SYK: variants seen among roughly 807,000 people sequenced by gnomAD.
The protein encoded by SYK is spleen associated tyrosine kinase.
SYK carries 16 observed loss-of-function variants against 77.8 expected under a neutral mutation model. The observed-to-expected ratio is 0.21, with a 90% CI of 0.14 to 0.31. The LOEUF (loss-of-function observed/expected upper bound fraction) is 0.31. Ranked by LOEUF, SYK falls within the 10% of genes least tolerant of loss-of-function variation. SYK has a pLI of 1.00. For missense variants in SYK, 529 were observed against 814.4 expected, an observed-to-expected ratio of 0.65 and a Z score of 4.26; for synonymous variants, 312 against 308.7, an observed-to-expected ratio of 1.01 and a Z score of -0.11.
At chr9:90,812,164 A>G (rs1825107110) in intron 1 of SYK, among the ~76,000 whole-genome samples, 1 of 152,176 alleles carries the variant, frequency 6.6e-6, no homozygotes, top group Non-Finnish European at 1.5e-5. Flanking sequence ...AAAAGGTGAA[A>G]TTAACATTTT....
intron 1 of SYK, among the ~76,000 whole-genome samples, chr9:90,803,384 G>T (rs1280554431): frequency 6.6e-6 from 1 of 151,584 alleles, no homozygotes; most frequent in Non-Finnish European, 1.5e-5. Context: ...GGGATTGTGG[G>T]AAGATTTTTT....
At chr9:90,814,200 C>G (rs1825205430) in intron 1 of SYK, among the ~76,000 whole-genome samples, 2 of 152,056 alleles carry the variant, frequency 1.3e-5, no homozygotes, top group African/African-American at 4.8e-5. Flanking sequence ...TCAAGTTTGG[C>G]CCAACTAGAA....
chr9:90,822,973 G>A (rs1304746249), intron 1 of SYK, among the ~76,000 whole-genome samples: 1 of 152,204 alleles, frequency 6.6e-6, no homozygotes, highest in African/African-American at 2.4e-5. Context: ...GGCATGGGAG[G>A]GAAGAGTGAT....
chr9:90,829,244 G>C (rs769281232), intron 1 of SYK, among the ~76,000 whole-genome samples: 1 of 151,450 alleles, frequency 6.6e-6, no homozygotes, highest in Non-Finnish European at 1.5e-5. Flanking sequence ...AGTGGAGATC[G>C]TGCCATTGCA....
chr9:90,855,051 G>A (rs565622646), intron 3 of SYK, among the ~76,000 whole-genome samples: 4 of 115,352 alleles, frequency 3.5e-5, no homozygotes, highest in Admixed American at 1.8e-4. Flanking sequence ...TGAGAACCGC[G>A]GCTGCATATC....
At chr9:90,819,318 C>A (rs1056953445) in intron 1 of SYK, among the ~76,000 whole-genome samples, 4 of 152,190 alleles carry the variant, frequency 2.6e-5, no homozygotes, top group Non-Finnish European at 4.4e-5. Context: ...TATCTGTAAT[C>A]CCCAAATCAA....
intron 1 of SYK, among the ~76,000 whole-genome samples, chr9:90,828,093 A>G (rs982399332): frequency 1.3e-5 from 2 of 152,172 alleles, no homozygotes; most frequent in African/African-American, 4.8e-5. Flanking sequence ...CAGGATCCCC[A>G]TAAAGATTAT....
At chr9:90,869,698 C>T (rs10993735) in intron 7 of SYK, among the ~76,000 whole-genome samples, 11,013 of 152,224 alleles carry the variant, frequency 0.072, 433 homozygotes, top group East Asian at 0.12. Flanking sequence ...CTACCTATAG[C>T]ATCTAGATAG....
chr9:90,820,729 G>C (rs1825482277), intron 1 of SYK, among the ~76,000 whole-genome samples: 1 of 152,128 alleles, frequency 6.6e-6, no homozygotes, highest in Non-Finnish European at 1.5e-5. Context: ...TCTTCCCCAT[G>C]GTCTTGGGGA....
intron 3 of SYK, 97 bp downstream of exon 3, chr9:90,845,691 G>T: frequency 7.0e-7 from 1 of 1,432,068 alleles, no homozygotes. Context: ...ACATGACCCT[G>T]GGAAGAGGCC....
intron 1 of SYK, among the ~76,000 whole-genome samples, chr9:90,807,743 G>A (rs943884923): frequency 2.0e-5 from 3 of 152,128 alleles, no homozygotes; most frequent in South Asian, 2.1e-4. Flanking sequence ...ACTGATACAC[G>A]AGTACATATC....
chr9:90,844,150 C>G lies in SYK; in HGVS notation c.252C>G (p.Ser84Arg), dbSNP rs536147934. ...TCGCCGGTGGCAGGACCCATGCCAG[C>G]CCCGCCGACCTCTGCCACTACCACT... ...YAIAGGRTHA[S>R]PADLCHYHSQ... The change falls in exon 2 of 14, where the codon AGC becomes AGG. Residue 84 changes from serine (S) to arginine (R), a missense_variant. Physicochemically the swap from Ser to Arg is moderately radical, Grantham distance 110. Transcript: ENST00000375754. The G allele has an allele frequency of 6.2e-7, 1 of 1,614,180 alleles. No individual in the cohort carries two copies. Among genetic ancestry groups the G allele is most frequent in the African/African-American group, 1.3e-5 (1 of 75,072 alleles).
intron 1 of SYK, among the ~76,000 whole-genome samples, chr9:90,819,929 G>A (rs290251): frequency 0.15 from 22,428 of 152,144 alleles, 1,983 homozygotes; most frequent in East Asian, 0.44. Context: ...ATACAATGGG[G>A]GTACAGGTAT....
At position 90,884,478 on chromosome 9, in the gene SYK, T is replaced by TAC. The variant is rs149544344; in HGVS notation, c.1582-3263_1582-3262dup. The stretch of plus-strand genomic sequence containing the variant: ...ATACACATATGTGTGTACATATACA[T>TAC]ACACACACATACACATATGTGTACA... On this transcript the variant is annotated intron_variant, in intron 11 of 13. Coordinates refer to ENST00000375754, the MANE Select transcript of SYK (RefSeq NM_003177.7). Among the ~76,000 whole-genome samples the TAC allele has an allele frequency of 3.1e-4, 4 of 12,974 alleles. 2 individuals carry two copies. The African/African-American group carries it at 3.4e-3, about 11-fold the overall frequency. The allele number at this position is 12,974 out of a possible 152,430, so 8.5% of individuals were successfully genotyped here.
At chr9:90,823,657 C>G (rs1217709698) in intron 1 of SYK, among the ~76,000 whole-genome samples, 3 of 151,922 alleles carry the variant, frequency 2.0e-5, no homozygotes, top group Non-Finnish European at 4.4e-5. Flanking sequence ...CCTATGTTTC[C>G]AAGAAGAAGT....
intron 1 of SYK, among the ~76,000 whole-genome samples, chr9:90,826,391 C>T (rs943553384): frequency 6.6e-6 from 1 of 152,286 alleles, no homozygotes; most frequent in African/African-American, 2.4e-5. Context: ...TCATCACCTT[C>T]ATCATCATGG....
At chr9:90,843,778 GA>G in intron 1 of SYK, 79 bp from the exon 2 acceptor site, 2 of 1,145,280 alleles carry the variant, frequency 1.7e-6, no homozygotes, top group Non-Finnish European at 2.3e-6. Flanking sequence ...TCTCCACTTT[GA>G]AAGGGTTTGA....
chr9:90,828,700 G>T (rs556742396), intron 1 of SYK, among the ~76,000 whole-genome samples: 1 of 152,156 alleles, frequency 6.6e-6, no homozygotes, highest in Non-Finnish European at 1.5e-5. Flanking sequence ...TGTGCGTTGC[G>T]TGTGCGTCCC....
In SYK at chr9:90,807,899, A is replaced by G. The variant is rs192802499; in HGVS notation, c.-42+6006A>G. On this transcript the variant is annotated intron_variant, in intron 1 of 13. Transcript: ENST00000375754. ...TTTCGTCCTGTGCATTCATGTGTGC[A>G]TGTGTGCACGTCTTCAGAAGATATA... 1.1e-4 allele frequency among the ~76,000 whole-genome samples: 17 copies of G among 152,284 alleles called. No individual in the cohort carries two copies. The East Asian group carries it at 3.3e-3, about 29-fold the overall frequency.
Sources: allele counts gnomAD v4.1 joint callset (sites outside exome capture counted in the v4.1 genomes callset), GRCh38; gene constraint gnomAD v4.1.1; transcripts MANE v1.5; gene names NCBI Gene and HGNC (gene_info 2026-07-23, HGNC 2026-07-21).